The following WNT5A variants were observed in gnomAD, a reference collection of about 807,000 sequenced individuals.
The protein encoded by WNT5A is Wnt family member 5A.
WNT5A carries 9 observed loss-of-function variants against 42.1 expected under a neutral mutation model. That is an observed-to-expected ratio of 0.21 (90% CI 0.13 to 0.37). The LOEUF is 0.37. Ranked by LOEUF, WNT5A falls within the 10% of genes least tolerant of loss-of-function variation. The pLI, the probability that WNT5A is intolerant of heterozygous loss-of-function variation, is 1.00. For synonymous variants in WNT5A, 210 were observed against 210.0 expected, an observed-to-expected ratio of 1.00 and a Z score of 0.00; for missense variants, 426 against 534.0, an observed-to-expected ratio of 0.80 and a Z score of 1.99.
chr3:55,470,978 G>T (rs977296976), intron 4 of WNT5A, among the ~76,000 whole-genome samples: 7 of 152,104 alleles, frequency 4.6e-5, no homozygotes, highest in African/African-American at 1.7e-4. Flanking sequence ...AGAGAGATGA[G>T]CCACTCACCC....
chr3:55,474,276 G>A, intron 4 of WNT5A, 61 bp downstream of exon 4: 6 of 1,604,618 alleles, frequency 3.7e-6, no homozygotes, highest in Non-Finnish European at 5.1e-6. Flanking sequence ...GAGACCCGAG[G>A]AGGCTGGAGG....
chr3:55,472,543 C>A (rs546456307), intron 4 of WNT5A, among the ~76,000 whole-genome samples: 1 of 152,052 alleles, frequency 6.6e-6, no homozygotes, highest in Non-Finnish European at 1.5e-5. Flanking sequence ...TGACCCCACC[C>A]CCCCCAAATT....
In WNT5A at chr3:55,465,840, T is replaced by C. The variant is rs1034778331; in HGVS notation, c.*4252A>G. ...AAAATGGTCTAAGATGCAATTTTCCTCCATTCCTTTTTTGCTTTTAAAATA... is the reference window on the plus strand; with the variant it reads ...AAAATGGTCTAAGATGCAATTTTCCCCCATTCCTTTTTTGCTTTTAAAATA... On this transcript the variant is annotated 3_prime_UTR_variant, in exon 5 of 5. Transcript: ENST00000264634. 6.6e-6 allele frequency: 1 copy of C among 152,212 alleles called. No individual in the cohort carries two copies. Among genetic ancestry groups the C allele is most frequent in the Non-Finnish European group, 1.5e-5 (1 of 68,032 alleles). 9.4% of individuals were successfully genotyped at this position (152,212 alleles called of 1,614,324 possible). A position where few individuals can be genotyped will look rare whatever the true frequency, so the allele number is the denominator to read the frequency against.
upstream of WNT5A, chr3:55,490,273 C>A (rs1176763044): frequency 6.6e-6 from 1 of 152,214 alleles, no homozygotes; most frequent in Non-Finnish European, 1.5e-5. Context: ...TGGCTATTTT[C>A]TGAGTTATCT....
chr3:55,488,159 C>G (rs1559560748), upstream of WNT5A: 1 of 152,586 alleles, frequency 6.6e-6, no homozygotes, highest in Admixed American at 6.6e-5. Context: ...CGGCGGGAGG[C>G]GGGCGGTCCC....
At chr3:55,470,647 T>C (rs1219899834) in intron 4 of WNT5A, 97 bp from the exon 5 acceptor site, 4 of 1,156,064 alleles carry the variant, frequency 3.5e-6, no homozygotes, top group Middle Eastern at 2.2e-4. Context: ...CATGGAGCTA[T>C]GTTCCCCAGC....
the WNT5A span, among the ~76,000 whole-genome samples, chr3:55,496,608 A>G: frequency 1.3e-5 from 2 of 152,276 alleles, no homozygotes; most frequent in East Asian, 1.9e-4. Context: ...TCAACCCAGG[A>G]GCATGATCCT....
chr3:55,471,380 AC>A (rs2051248959), intron 4 of WNT5A, among the ~76,000 whole-genome samples: 1 of 152,102 alleles, frequency 6.6e-6, no homozygotes, highest in Admixed American at 6.5e-5. Flanking sequence ...AAGAGCACCC[AC>A]CCTGGAGCCA....
chr3:55,479,954 A>G lies in WNT5A; in HGVS notation c.141-390T>C, dbSNP rs17055405. 9.1e-3 allele frequency among the ~76,000 whole-genome samples: 1,391 copies of G among 152,278 alleles called. 12 individuals are homozygous for G. Among genetic ancestry groups the G allele is most frequent in the East Asian group, 0.034 (175 of 5,166 alleles). On this transcript the variant is annotated intron_variant, in intron 2 of 4. Coordinates refer to ENST00000264634, the MANE Select transcript of WNT5A (RefSeq NM_003392.7). ...TTGGACCAATCTGCCTTGAAAACTT[A>G]TGAATGCTGAAAGTAGACACAATTA... is the stretch of plus-strand genomic sequence containing the variant.
In WNT5A at chr3:55,474,534, C is replaced by T; in HGVS notation, c.487G>A (p.Gly163Ser). The T allele has an allele frequency of 2.6e-6, 4 of 1,557,046 alleles. No individual in the cohort carries two copies. Among genetic ancestry groups the T allele is most frequent in the South Asian group, 2.4e-5 (2 of 84,614 alleles). The change falls in exon 4 of 5, where the codon GGC (glycine) becomes AGC (serine). Residue 163 changes from glycine (G) to serine (S), a missense_variant. By Grantham distance (56) the Gly-to-Ser change is moderately conservative. This residue lies in a region of WNT5A where 358 missense variants were observed against 468.1 expected (regional missense o/e 0.76). Transcript: ENST00000264634. ...ACREGELSTCGCSRAARPKDL... is the reference protein window; with the variant it reads ...ACREGELSTCSCSRAARPKDL... ...TTGGGGCGCGCGGCGCGGCTGCAGC[C>T]GCAGGTGGACAGCTCGCCCTCGCGG...
chr3:55,479,713 A>G (rs950294147), intron 2 of WNT5A, 149 bp from the exon 3 acceptor site: 170 of 1,174,108 alleles, frequency 1.4e-4, no homozygotes, highest in Non-Finnish European at 1.8e-4. Flanking sequence ...AGGGCTTCAT[A>G]AAACTCCTCT....
Position 55,483,899 on chromosome 3 carries a change from C to T in WNT5A, c.7-2981G>A, listed in dbSNP as rs1360515740. 6.6e-6 allele frequency among the ~76,000 whole-genome samples: 1 copy of T among 152,096 alleles called. No individual in the cohort carries two copies. The highest frequency in any genetic ancestry group is 2.4e-5 in the African/African-American group (1 of 41,426). ...TTGTTCAGAGGACGTTCGGAGGGCG[C>T]GGGGAGCAGCCGGATGCACACCTAA... On this transcript the variant is annotated intron_variant, in intron 1 of 4. Transcript: ENST00000264634. The surrounding 1 kb of genome is among the most constrained non-coding windows in gnomAD (Gnocchi z 4.2).
chr3:55,498,638 AT>A, the WNT5A span, among the ~76,000 whole-genome samples: 1 of 152,256 alleles, frequency 6.6e-6, no homozygotes, highest in East Asian at 1.9e-4. Flanking sequence ...GGACTCACCT[AT>A]ACTCTCCTTC....
At chr3:55,481,691 T>C (rs914482403) in intron 1 of WNT5A, among the ~76,000 whole-genome samples, 1 of 151,884 alleles carries the variant, frequency 6.6e-6, no homozygotes, top group Non-Finnish European at 1.5e-5. Flanking sequence ...CCCTAGGGGA[T>C]AATGGAGAGA....
chr3:55,493,745 T>C (rs1026752826), upstream of WNT5A: 3 of 152,258 alleles, frequency 2.0e-5, no homozygotes, highest in African/African-American at 4.8e-5. Context: ...CACCACACTT[T>C]ACCTATAAAT....
chr3:55,493,744 T>G (rs1300278577), upstream of WNT5A: 3 of 152,228 alleles, frequency 2.0e-5, no homozygotes, highest in Admixed American at 1.3e-4. Flanking sequence ...TCACCACACT[T>G]TACCTATAAA....
Position 55,466,136 on chromosome 3 carries a change from CTCTT to C in WNT5A, c.*3952_*3955del, listed in dbSNP as rs2051138630. The C allele has an allele frequency of 6.6e-6, 1 of 152,148 alleles. No homozygotes were observed. Among genetic ancestry groups the C allele is most frequent in the South Asian group, 2.1e-4 (1 of 4,830 alleles). 9.4% of individuals were successfully genotyped at this position (152,148 alleles called of 1,614,324 possible). A position where few individuals can be genotyped will look rare whatever the true frequency, so the allele number is the denominator to read the frequency against. On this transcript the variant is annotated 3_prime_UTR_variant, in exon 5 of 5. Transcript: ENST00000264634. ...ATCTTACTTTCAAAACACGGCATCTCTCTTTCACCATTCCACAGAGAGAGAAAAG... is the reference window on the plus strand; with the variant it reads ...ATCTTACTTTCAAAACACGGCATCTCTCACCATTCCACAGAGAGAGAAAAG...
At position 55,480,967 on chromosome 3, in the gene WNT5A, T is replaced by C. The variant is rs1330864545; in HGVS notation, c.7-49A>G. 3 of 1,403,610 alleles carry C rather than the reference T, an allele frequency of 2.1e-6. No individual in the cohort carries two copies. In the African/African-American group the frequency reaches 4.3e-5, roughly 20 times the overall value. The allele number at this position is 1,403,610 out of a possible 1,614,324, so 86.9% of individuals were successfully genotyped here. On this transcript the variant is annotated intron_variant, in intron 1 of 4. Transcript: ENST00000264634. The stretch of plus-strand genomic sequence containing the variant: ...ATGTTTATTGCCTCTCAGATAATTT[T>C]CAAGCATACAAGTTTAAACAACGGA...
chr3:55,478,930 T>C (rs1044246166), intron 3 of WNT5A: 3 of 157,118 alleles, frequency 1.9e-5, no homozygotes, highest in African/African-American at 2.4e-5. Context: ...GCCGTTTCAA[T>C]TGTGGCTTAA....
Sources: allele counts gnomAD v4.1 joint callset (sites outside exome capture counted in the v4.1 genomes callset), GRCh38; gene constraint gnomAD v4.1.1; regional missense constraint gnomAD v4.1.1; non-coding constraint Gnocchi (gnomAD v3.1); transcripts MANE v1.5; gene names NCBI Gene and HGNC (gene_info 2026-07-23, HGNC 2026-07-21).